PTS: variants seen among roughly 807,000 people sequenced by gnomAD.
PTS encodes 6-pyruvoyl tetrahydrobiopterin synthase.
PTS carries 23 observed loss-of-function variants against 20.6 expected under a neutral mutation model. That is an observed-to-expected ratio of 1.12 (90% CI 0.80 to 1.58). PTS has a LOEUF of 1.58. Ranked by LOEUF, PTS falls within the 40% of genes most tolerant of loss-of-function variation. The pLI is 0.00. For missense variants in PTS, 186 were observed against 182.4 expected (o/e 1.02, Z -0.11); for synonymous variants, 65 against 62.5 (o/e 1.04, Z -0.19).
intron 4 of PTS, among the ~76,000 whole-genome samples, 181 bp from the exon 5 acceptor site, chr11:112,232,982 G>A (rs1859960284): frequency 6.6e-6 from 1 of 152,190 alleles, no homozygotes. Flanking sequence ...CGACAGCTGG[G>A]CCTGACTTTA....
At position 112,226,514 on chromosome 11, in the gene PTS, A is replaced by C. The variant is rs1474586656; in HGVS notation, c.71A>C (p.His24Pro). Residue 24 changes from histidine to proline, a missense_variant, in exon 1 of 6, where the codon CAC becomes CCC. Physicochemically the swap from His to Pro is moderately conservative, Grantham distance 77. Coordinates refer to ENST00000280362, the MANE Select transcript of PTS (RefSeq NM_000317.3). ...CGCCGCATCTCCTTCAGCGCGAGCC[A>C]CCGATTGTACAGGTAGGGTGTGCAC... is the stretch of plus-strand genomic sequence containing the variant. ...VSRRISFSAS[H>P]RLYSKFLSDE... 5.1e-6 allele frequency: 8 copies of C among 1,583,216 alleles called. No individual in the cohort carries two copies. The highest frequency in any genetic ancestry group is 6.9e-6 in the Non-Finnish European group (8 of 1,167,024).
intron 4 of PTS, among the ~76,000 whole-genome samples, chr11:112,232,539 T>C (rs1859953063): frequency 6.6e-6 from 1 of 152,174 alleles, no homozygotes; most frequent in Admixed American, 6.5e-5. Context: ...TTGCAATAGC[T>C]AAAAGCAAAA....
At chr11:112,233,406 TTTG>T in intron 5 of PTS, 23 bp from the exon 6 acceptor site, 4 of 1,586,848 alleles carry the variant, frequency 2.5e-6, no homozygotes, top group Non-Finnish European at 3.4e-6. Context: ...TTGAATTTTT[TTTG>T]TTTTTGTTTT....
chr11:112,233,325 T>G, intron 5 of PTS, 92 bp downstream of exon 5: 1 of 1,540,468 alleles, frequency 6.5e-7, no homozygotes, highest in Non-Finnish European at 8.9e-7. Context: ...AGTTTTAATT[T>G]AATGAAATCT....
rs778754646 is a variant in PTS, at chr11:112,228,654, C to T, written c.144C>T (p.Gly48=). The change falls in exon 2 of 6, where the codon GGC becomes GGT. Residue 48 remains glycine, a synonymous_variant. Coordinates refer to ENST00000280362, the MANE Select transcript of PTS (RefSeq NM_000317.3). ...TTGGGAAATGCAACAATCCAAATGG[C>T]CATGGGCACAATTATAAAGGTGAGA... ...KLFGKCNNPN[G]HGHNYKVVVT... is the part of the protein sequence containing the mutation. 8.1e-6 allele frequency: 13 copies of T among 1,611,158 alleles called. No individual in the cohort carries two copies. The African/African-American group carries it at 1.2e-4, about 15-fold the overall frequency.
intron 4 of PTS, among the ~76,000 whole-genome samples, chr11:112,231,791 A>G (rs1267998618): frequency 1.3e-5 from 2 of 148,196 alleles, no homozygotes; most frequent in African/African-American, 4.9e-5. Context: ...AAACAGCACT[A>G]TGCTCAAAAT....
Position 112,226,546 on chromosome 11 carries a change from A to T in PTS, c.83+20A>T. On this transcript the variant is annotated intron_variant, in intron 1 of 5. Transcript: ENST00000280362. ...GTACAGGTAGGGTGTGCACACAGGT[A>T]CAGCGGCGGGCGGTGGGCGCCGGGC... 1 of 1,530,954 alleles carries T rather than the reference A, an allele frequency of 6.5e-7. No homozygotes were observed. Among genetic ancestry groups the T allele is most frequent in the Non-Finnish European group, 8.8e-7 (1 of 1,141,018 alleles). 94.8% of individuals were successfully genotyped at this position (1,530,954 alleles called of 1,614,324 possible).
At chr11:112,231,870 A>G (rs916807483) in intron 4 of PTS, among the ~76,000 whole-genome samples, 1 of 120,654 alleles carries the variant, frequency 8.3e-6, no homozygotes, top group Non-Finnish European at 1.7e-5. Flanking sequence ...GCAGGCGGAG[A>G]GAGAGAGAGA....
At chr11:112,233,302 G>T (rs909533815) in intron 5 of PTS, 69 bp downstream of exon 5, 7 of 1,560,668 alleles carry the variant, frequency 4.5e-6, no homozygotes, top group Non-Finnish European at 6.2e-6. Context: ...TTTGATTGTT[G>T]TGTGATTTCT....
Position 112,226,508 on chromosome 11 carries a change from C to T in PTS, c.65C>T (p.Ala22Val). The change falls in exon 1 of 6, where the codon GCG becomes GTG. Residue 22 changes from alanine to valine, a missense_variant. By Grantham distance (64) the Ala-to-Val change is moderately conservative (BLOSUM62 0). Coordinates refer to ENST00000280362, the MANE Select transcript of PTS (RefSeq NM_000317.3). Reference protein sequence around the residue: ...AQVSRRISFSASHRLYSKFLS... With the variant: ...AQVSRRISFSVSHRLYSKFLS... ...GTGTCCCGCCGCATCTCCTTCAGCG[C>T]GAGCCACCGATTGTACAGGTAGGGT... 1 of 1,584,252 alleles carries T rather than the reference C, an allele frequency of 6.3e-7. No individual in the cohort carries two copies. The highest frequency in any genetic ancestry group is 8.6e-7 in the Non-Finnish European group (1 of 1,167,714).
At chr11:112,228,807 G>A (rs1188208516) in intron 2 of PTS, 134 bp downstream of exon 2, 3 of 816,096 alleles carry the variant, frequency 3.7e-6, no homozygotes, top group Non-Finnish European at 6.0e-6. Flanking sequence ...AATTAAATGG[G>A]AGTTCAGAAT....
Position 112,226,436 on chromosome 11 carries a change from C to A in PTS, c.-8C>A. ...TGCCGGCCGAGCACCGCAGACAGCG[C>A]CGGGAAGATGAGCACGGAAGGTGGT... On this transcript the variant is annotated 5_prime_UTR_variant, in exon 1 of 6. Coordinates refer to ENST00000280362, the MANE Select transcript of PTS (RefSeq NM_000317.3). 2.5e-6 allele frequency: 4 copies of A among 1,575,062 alleles called. No individual in the cohort carries two copies. Among genetic ancestry groups the A allele is most frequent in the Non-Finnish European group, 2.6e-6 (3 of 1,162,170 alleles).
At position 112,228,585 on chromosome 11, in the gene PTS, T is replaced by G; in HGVS notation, c.84-9T>G. Reference sequence around the variant, plus strand: ...TGTCATGCTGACTTTTTTTTTTTTTTTTGGTCAGTAAATTTCTAAGTGATG... The same window carrying G: ...TGTCATGCTGACTTTTTTTTTTTTTGTTGGTCAGTAAATTTCTAAGTGATG... On this transcript the variant is annotated splice_polypyrimidine_tract_variant and intron_variant, in intron 1 of 5. Transcript: ENST00000280362. 1 of 1,588,576 alleles carries G rather than the reference T, an allele frequency of 6.3e-7. No homozygotes were observed. The highest frequency in any genetic ancestry group is 1.1e-5 in the South Asian group (1 of 88,072).
chr11:112,233,679 CTATT>C lies in PTS; in HGVS notation c.*129_*132del. On this transcript the variant is annotated 3_prime_UTR_variant, in exon 6 of 6. Coordinates refer to ENST00000280362, the MANE Select transcript of PTS (RefSeq NM_000317.3). Reference sequence around the variant, plus strand: ...ACGTACACATTGTGCTCTGGAGTGCCTATTTATTGAAATCATTGTAAGACCTGTT... The same window carrying C: ...ACGTACACATTGTGCTCTGGAGTGCCTATTGAAATCATTGTAAGACCTGTT... 1 of 1,413,782 alleles carries C rather than the reference CTATT, an allele frequency of 7.1e-7. No homozygotes were observed. Among genetic ancestry groups the C allele is most frequent in the Non-Finnish European group, 9.5e-7 (1 of 1,055,664 alleles). The allele number at this position is 1,413,782 out of a possible 1,614,324, so 87.6% of individuals were successfully genotyped here. A position where few individuals can be genotyped will look rare whatever the true frequency, so the allele number is the denominator to read the frequency against.
intron 1 of PTS, 166 bp from the exon 2 acceptor site, chr11:112,228,428 G>A (rs904776118): frequency 4.7e-6 from 3 of 640,594 alleles, no homozygotes; most frequent in East Asian, 5.4e-5. Context: ...TGACGTATAC[G>A]TAAGTAATAA....
chr11:112,231,867 GA>G (rs1304076777), intron 4 of PTS, among the ~76,000 whole-genome samples: 15 of 146,386 alleles, frequency 1.0e-4, no homozygotes, highest in African/African-American at 1.0e-4. Flanking sequence ...GGGGCAGGCG[GA>G]GAGAGAGAGA....
intron 2 of PTS, chr11:112,229,125 T>C: frequency 5.5e-6 from 1 of 181,374 alleles, no homozygotes; most frequent in East Asian, 1.6e-4. Flanking sequence ...GATAAGAGAC[T>C]TGATTCTTTG....
rs775685351 is a variant in PTS at position 112,230,651 on chromosome 11, T to G, written c.212T>G (p.Met71Arg). Residue 71 changes from methionine (M) to arginine (R), a missense_variant, in exon 4 of 6, where the codon ATG becomes AGG. By Grantham distance (91) the Met-to-Arg change is moderately conservative. Coordinates refer to ENST00000280362, the MANE Select transcript of PTS (RefSeq NM_000317.3). ...ATTGACCCTGCTACGGGAATGGTTA[T>G]GAATCTGGCTGATCTCAAAAAATAT... ...GEIDPATGMV[M>R]NLADLKKYME... 6.2e-7 allele frequency: 1 copy of G among 1,611,524 alleles called. No homozygotes were observed.
rs1398966532 is a variant in PTS, at chr11:112,226,584, C to T, written c.83+58C>T. ...GTGGGCGCCGGGCCCCGGAACGTCA[C>T]CGGGGCGGGGCCGGCGGGCGTGCTG... On this transcript the variant is annotated intron_variant, in intron 1 of 5. Coordinates refer to ENST00000280362, the MANE Select transcript of PTS (RefSeq NM_000317.3). 9 of 1,441,930 alleles carry T rather than the reference C, an allele frequency of 6.2e-6. No homozygotes were observed. In the African/African-American group the frequency reaches 8.9e-5, roughly 14 times the overall value. The allele number at this position is 1,441,930 out of a possible 1,614,324, so 89.3% of individuals were successfully genotyped here.
Sources: allele counts gnomAD v4.1 joint callset (sites outside exome capture counted in the v4.1 genomes callset), GRCh38; gene constraint gnomAD v4.1.1; transcripts MANE v1.5; gene names NCBI Gene and HGNC (gene_info 2026-07-23, HGNC 2026-07-21).